Variants in RGPD6 observed in about 807,000 individuals in gnomAD.
The protein encoded by RGPD6 is RANBP2 like and GRIP domain containing 6, also known as RANBP2-like and GRIP domain-containing protein 5/6.
chr2:110,598,786 CAT>C, the RGPD6 span, among the ~76,000 whole-genome samples: 1 of 121,502 alleles, frequency 8.2e-6, no homozygotes, highest in Middle Eastern at 4.1e-3. Flanking sequence ...CAAACGTGAC[CAT>C]TTTGCTGCCC....
the RGPD6 span, among the ~76,000 whole-genome samples, chr2:110,599,804 T>C: frequency 1.0e-5 from 1 of 98,088 alleles, no homozygotes; most frequent in African/African-American, 3.5e-5. Context: ...GAAACCAACA[T>C]ACCCTACTTC....
the RGPD6 span, among the ~76,000 whole-genome samples, chr2:110,607,029 A>G: frequency 2.0e-5 from 3 of 151,574 alleles, no homozygotes; most frequent in Non-Finnish European, 4.4e-5. Flanking sequence ...GAGATGATCA[A>G]TAAATATTTG....
chr2:110,576,891 GCCC>G (rs1196849287), intron 1 of RGPD6, 59 bp downstream of exon 1: 1 of 693,366 alleles, frequency 1.4e-6, no homozygotes, highest in Non-Finnish European at 1.7e-6. Flanking sequence ...CGCCGCCGCC[GCCC>G]CCCCCCTCCC....
the RGPD6 span, among the ~76,000 whole-genome samples, chr2:110,591,690 C>T: frequency 6.6e-6 from 1 of 151,968 alleles, no homozygotes; most frequent in Non-Finnish European, 1.5e-5. Flanking sequence ...TATGCAACAT[C>T]ATTTCCTCCC....
At chr2:110,604,286 GAA>G in the RGPD6 span, among the ~76,000 whole-genome samples, 1 of 134,882 alleles carries the variant, frequency 7.4e-6, no homozygotes, top group African/African-American at 2.9e-5. Flanking sequence ...CCTTGTTTAT[GAA>G]AAAGAGACAT....
the RGPD6 span, among the ~76,000 whole-genome samples, chr2:110,597,041 C>T: frequency 1.6e-4 from 15 of 96,284 alleles, no homozygotes; most frequent in African/African-American, 7.1e-4. Context: ...TGCAATGGCG[C>T]AATCTAGGCT....
At chr2:110,603,911 G>A in the RGPD6 span, among the ~76,000 whole-genome samples, 1 of 150,800 alleles carries the variant, frequency 6.6e-6, no homozygotes, top group Admixed American at 6.6e-5. Flanking sequence ...TTAGTTCCTT[G>A]GATTGGGTGG....
chr2:110,600,138 A>G, the RGPD6 span, among the ~76,000 whole-genome samples: 1 of 145,682 alleles, frequency 6.9e-6, no homozygotes, highest in Admixed American at 6.8e-5. Flanking sequence ...CTTTATCCAC[A>G]TCACTGTAAC....
the RGPD6 span, among the ~76,000 whole-genome samples, chr2:110,600,783 C>T: frequency 5.3e-5 from 5 of 93,932 alleles, no homozygotes; most frequent in Admixed American, 1.1e-4. Flanking sequence ...TGACGGGAGG[C>T]GGAGATCAGG....
the RGPD6 span, among the ~76,000 whole-genome samples, chr2:110,606,017 A>G: frequency 6.6e-6 from 1 of 151,796 alleles, no homozygotes; most frequent in Admixed American, 6.5e-5. Flanking sequence ...TTCCCAAAAA[A>G]CACACTGTCC....
At chr2:110,606,139 T>C in the RGPD6 span, among the ~76,000 whole-genome samples, 612 of 151,676 alleles carry the variant, frequency 4.0e-3, 15 homozygotes, top group African/African-American at 0.014. Flanking sequence ...TCGAAGTGTA[T>C]CACACATAGT....
the RGPD6 span, chr2:110,611,018 G>C: frequency 1.0e-6 from 1 of 964,604 alleles, no homozygotes; most frequent in Non-Finnish European, 1.2e-6. Flanking sequence ...ACTCAAGAGA[G>C]AGCAGCGAGC....
At chr2:110,607,558 C>T in the RGPD6 span, among the ~76,000 whole-genome samples, 5 of 149,470 alleles carry the variant, frequency 3.3e-5, no homozygotes, top group African/African-American at 1.3e-4. Context: ...CTGAGCTTTT[C>T]CCTTTATATT....
the RGPD6 span, among the ~76,000 whole-genome samples, chr2:110,601,048 T>G: frequency 6.6e-6 from 1 of 151,982 alleles, no homozygotes; most frequent in Non-Finnish European, 1.5e-5. Flanking sequence ...TACCTGCTTC[T>G]TCCCAGGATG....
chr2:110,610,476 C>A, the RGPD6 span, among the ~76,000 whole-genome samples: 1 of 151,340 alleles, frequency 6.6e-6, no homozygotes, highest in African/African-American at 2.4e-5. Context: ...TCACCAGTCC[C>A]TGGGCTGGGG....
At chr2:110,606,697 C>T in the RGPD6 span, among the ~76,000 whole-genome samples, 2 of 147,202 alleles carry the variant, frequency 1.4e-5, no homozygotes, top group Non-Finnish European at 3.0e-5. Context: ...CATGAAAGCC[C>T]TTGTTCAAGT....
the RGPD6 span, chr2:110,610,830 G>A: frequency 1.1e-5 from 11 of 1,001,356 alleles, no homozygotes; most frequent in Non-Finnish European, 1.2e-5. Flanking sequence ...GCCGAAGCTC[G>A]GGCCGCCCGC....
At chr2:110,589,284 G>C in the RGPD6 span, among the ~76,000 whole-genome samples, 3 of 142,192 alleles carry the variant, frequency 2.1e-5, no homozygotes, top group East Asian at 6.6e-4. Context: ...AGGTTGTGGT[G>C]AGCCAAGATC....
the RGPD6 span, chr2:110,610,768 G>A: frequency 8.9e-7 from 1 of 1,128,616 alleles, no homozygotes; most frequent in Non-Finnish European, 1.1e-6. Context: ...AGCTGTCCAT[G>A]GTGGGAGGTG....
Sources: gnomAD v4.1 joint callset for allele counts (sites outside exome capture counted in the v4.1 genomes callset) on GRCh38, gnomAD v4.1.1 for gene constraint, MANE v1.5 for transcripts, NCBI Gene and HGNC (gene_info 2026-07-23, HGNC 2026-07-21) for gene names.